The following AQR variants were observed in gnomAD, a reference collection of about 807,000 sequenced individuals.
AQR encodes the protein aquarius intron-binding spliceosomal factor.
Under a neutral mutation model 180.5 loss-of-function variants are expected in AQR, and 61 were observed. The ratio of observed to expected loss-of-function variants is 0.34; its 90% CI spans 0.28 to 0.42. The LOEUF (loss-of-function observed/expected upper bound fraction) is 0.42, where lower values mean the gene tolerates loss of function less well. Ranked by LOEUF, AQR falls within the 10% of genes least tolerant of loss-of-function variation. The pLI is 1.00. For missense variants in AQR, 1,281 were observed against 1,798.3 expected, an observed-to-expected ratio of 0.71 and a Z score of 5.20; for synonymous variants, 551 against 588.8, an observed-to-expected ratio of 0.94 and a Z score of 0.93.
intron 9 of AQR, among the ~76,000 whole-genome samples, chr15:34,936,022 C>G (rs1053643275): frequency 2.0e-5 from 3 of 152,152 alleles, no homozygotes; most frequent in Non-Finnish European, 2.9e-5. Context: ...ATGCATGGTG[C>G]TCTGGTGACT....
Position 34,884,607 on chromosome 15 carries a change from A to C in AQR, c.2945T>G (p.Phe982Cys). ...EYFANAPQPIFKGRSYEEDME... is the reference protein window; with the variant it reads ...EYFANAPQPICKGRSYEEDME... Reference sequence around the variant, plus strand: ...GTCTTCTTCATAAGATCTTCCTTTAAAAATGGGTTGAGGAGCATTTGCAAA... The same window carrying C: ...GTCTTCTTCATAAGATCTTCCTTTACAAATGGGTTGAGGAGCATTTGCAAA... Residue 982 changes from phenylalanine (F) to cysteine (C), a missense_variant, in exon 26 of 35, where the codon TTT becomes TGT. Coordinates refer to ENST00000156471, the MANE Select transcript of AQR (RefSeq NM_014691.3). The C allele has an allele frequency of 6.2e-7, 1 of 1,602,748 alleles. No homozygotes were observed. The highest frequency in any genetic ancestry group is 8.5e-7 in the Non-Finnish European group (1 of 1,177,410).
chr15:34,903,710 CTT>C lies in AQR; in HGVS notation c.2001+624_2001+625del, dbSNP rs1406043304. On this transcript the variant is annotated intron_variant, in intron 19 of 34. Coordinates refer to ENST00000156471, the MANE Select transcript of AQR (RefSeq NM_014691.3). ...GGGAGAAAGAGAAAAGAAAGGCACT[CTT>C]TCTGCAAAAGCTACATGTATCAAAT... Among the ~76,000 whole-genome samples, 17 of 152,084 alleles carry C rather than the reference CTT, an allele frequency of 1.1e-4. 1 individual carries two copies. Among genetic ancestry groups the C allele is most frequent in the Non-Finnish European group, 1.5e-5 (1 of 67,970 alleles).
intron 9 of AQR, among the ~76,000 whole-genome samples, 169 bp from the exon 10 acceptor site, chr15:34,934,804 A>G (rs1893922295): frequency 6.6e-6 from 1 of 152,150 alleles, no homozygotes; most frequent in African/African-American, 2.4e-5. Context: ...TTTTTTAAGG[A>G]AGGCCTTACC....
At chr15:34,916,453 AT>A (rs201826077) in intron 15 of AQR, among the ~76,000 whole-genome samples, 3 of 149,694 alleles carry the variant, frequency 2.0e-5, no homozygotes, top group East Asian at 2.0e-4. Context: ...AAAAAAAAAA[AT>A]AAACTTAAAT....
At chr15:34,923,005 AT>A (rs916590539) in intron 13 of AQR, among the ~76,000 whole-genome samples, 2 of 152,090 alleles carry the variant, frequency 1.3e-5, no homozygotes, top group Admixed American at 1.3e-4. Context: ...GTCCCCCCTT[AT>A]CTGTGGTTTC....
intron 4 of AQR, among the ~76,000 whole-genome samples, chr15:34,950,576 CTTGT>C (rs1894212421): frequency 1.6e-5 from 2 of 125,816 alleles, no homozygotes; most frequent in African/African-American, 5.2e-5. Context: ...TTTTTAGTAT[CTTGT>C]TTCTTTCTCA....
chr15:34,864,628 T>G (rs750856464), intron 32 of AQR, among the ~76,000 whole-genome samples: 9 of 151,956 alleles, frequency 5.9e-5, no homozygotes, highest in Non-Finnish European at 1.0e-4. Flanking sequence ...GGAAAAAGGG[T>G]TAGTGGTGGA....
intron 13 of AQR, among the ~76,000 whole-genome samples, chr15:34,922,762 C>G (rs1893700491): frequency 6.6e-6 from 1 of 151,996 alleles, no homozygotes; most frequent in African/African-American, 2.4e-5. Flanking sequence ...TCCACCTCAG[C>G]CTCCCAAAGT....
chr15:34,874,428 G>A (rs1015242650), intron 29 of AQR: 2 of 457,108 alleles, frequency 4.4e-6, no homozygotes, highest in Admixed American at 4.1e-5. Flanking sequence ...AAGGAGAAGG[G>A]ACAATGAAAA....
intron 32 of AQR, among the ~76,000 whole-genome samples, chr15:34,864,666 G>A (rs1046351210): frequency 1.3e-5 from 2 of 152,104 alleles, no homozygotes; most frequent in African/African-American, 4.8e-5. Context: ...TGTTTTCATG[G>A]TGATCTCTTA....
intron 3 of AQR, among the ~76,000 whole-genome samples, chr15:34,959,903 G>A (rs1418874370): frequency 2.0e-5 from 3 of 152,220 alleles, no homozygotes; most frequent in Non-Finnish European, 4.4e-5. Flanking sequence ...CACTTTGGAA[G>A]GCCAAGGCAG....
chr15:34,947,534 TAATAA>T (rs1433639376), intron 5 of AQR, among the ~76,000 whole-genome samples: 7 of 146,560 alleles, frequency 4.8e-5, no homozygotes, highest in African/African-American at 1.8e-4. Context: ...ATAATAATAA[TAATAA>T]AATAAATAAA....
At chr15:34,880,610 C>A (rs938861643) in intron 27 of AQR, among the ~76,000 whole-genome samples, 1 of 152,124 alleles carries the variant, frequency 6.6e-6, no homozygotes, top group African/African-American at 2.4e-5. Context: ...ATGGTATATT[C>A]CCCCTGCTTG....
At chr15:34,918,864 C>T (rs1267862013) in intron 14 of AQR, among the ~76,000 whole-genome samples, 1 of 152,234 alleles carries the variant, frequency 6.6e-6, no homozygotes, top group Non-Finnish European at 1.5e-5. Flanking sequence ...ATTAATCTAT[C>T]ACCCTAGTCT....
chr15:34,963,738 A>T, intron 2 of AQR, among the ~76,000 whole-genome samples: 1 of 149,760 alleles, frequency 6.7e-6, no homozygotes, highest in South Asian at 2.1e-4. Flanking sequence ...ATCTCGACTC[A>T]CTGCACGCTC....
In AQR at chr15:34,920,388, T is replaced by C. The variant is rs536871974; in HGVS notation, c.1165A>G (p.Thr389Ala). 2.5e-6 allele frequency: 4 copies of C among 1,613,566 alleles called. No individual in the cohort carries two copies. The highest frequency in any genetic ancestry group is 1.1e-5 in the South Asian group (1 of 91,040). ...QVASYLCLLP[T>A]LPKNEDTTFD... ...GTTGTGTCTTCATTTTTAGGAAGAG[T>C]TGGCAACAAGCAGAGGTATGATGCC... is the stretch of plus-strand genomic sequence containing the variant. Residue 389 changes from threonine to alanine, a missense_variant, in exon 14 of 35, where the codon ACT becomes GCT. Thr to Ala is a moderately conservative substitution (Grantham distance 58). Coordinates refer to ENST00000156471, the MANE Select transcript of AQR (RefSeq NM_014691.3).
chr15:34,905,956 C>T (rs932333893), intron 18 of AQR, among the ~76,000 whole-genome samples: 24 of 152,018 alleles, frequency 1.6e-4, no homozygotes, highest in Non-Finnish European at 8.8e-5. Flanking sequence ...ATTGCTTGAA[C>T]TTGGGAGGCA....
Position 34,885,134 on chromosome 15 carries a change from T to C in AQR, c.2818-400A>G, listed in dbSNP as rs528073505. Among the ~76,000 whole-genome samples, 60 of 152,204 alleles carry C rather than the reference T, an allele frequency of 3.9e-4. 1 individual carries two copies. Among genetic ancestry groups the C allele is most frequent in the Admixed American group, 1.8e-3 (27 of 15,290 alleles). On this transcript the variant is annotated intron_variant, in intron 25 of 34. Transcript: ENST00000156471. ...TTTTTCATCTCTGTTTCTCTCCATA[T>C]ATGGTAAGTTCAGCTTTAGCAGCTT...
intron 5 of AQR, among the ~76,000 whole-genome samples, chr15:34,946,546 C>A (rs112663646): frequency 0.59 from 75,314 of 127,654 alleles, 24,028 homozygotes; most frequent in South Asian, 0.72. Flanking sequence ...GTCAGCCCCC[C>A]GCCTGGCCAG....
Sources: gnomAD v4.1 joint callset for allele counts (sites outside exome capture counted in the v4.1 genomes callset) on GRCh38, gnomAD v4.1.1 for gene constraint, MANE v1.5 for transcripts, NCBI Gene and HGNC (gene_info 2026-07-23, HGNC 2026-07-21) for gene names.